ACSS3: variants seen among roughly 807,000 people sequenced by gnomAD.
ACSS3 encodes the protein acyl-CoA synthetase short chain family member 3.
Under a neutral mutation model 84.2 loss-of-function variants are expected in ACSS3, and 64 were observed. The observed-to-expected ratio is 0.76, with a 90% CI of 0.62 to 0.94. ACSS3 has a LOEUF of 0.94. Among genes scored for constraint, ACSS3 ranks in the 40% least tolerant of loss-of-function variants. The pLI is 0.00. For missense variants in ACSS3, 815 were observed against 867.6 expected (o/e 0.94, Z 0.76); for synonymous variants, 317 against 310.1 (o/e 1.02, Z -0.23).
Position 81,151,987 on chromosome 12 carries a change from ATCT to A in ACSS3, c.1003-12_1003-10del. 1 of 1,612,344 alleles carries A rather than the reference ATCT, an allele frequency of 6.2e-7. No individual in the cohort carries two copies. The highest frequency in any genetic ancestry group is 8.5e-7 in the Non-Finnish European group (1 of 1,178,682). ...CTGAATAAAATATATTCATTTTATT[ATCT>A]TATTTTTTAGGTGTGGTGGGCAGCT... On this transcript the variant is annotated splice_polypyrimidine_tract_variant and intron_variant, in intron 6 of 15. Transcript: ENST00000548058.
At chr12:81,091,011 T>C (rs1425141929) in intron 1 of ACSS3, among the ~76,000 whole-genome samples, 1 of 152,090 alleles carries the variant, frequency 6.6e-6, no homozygotes, top group Non-Finnish European at 1.5e-5. Context: ...ATGTAAATAA[T>C]TGGTATACTG....
chr12:81,127,502 G>A (rs1428705811), intron 2 of ACSS3, among the ~76,000 whole-genome samples: 3 of 152,144 alleles, frequency 2.0e-5, no homozygotes, highest in Non-Finnish European at 2.9e-5. Flanking sequence ...ATGTTTAAAA[G>A]TAAGGTGCAA....
chr12:81,241,128 T>G (rs2033788015), intron 13 of ACSS3, among the ~76,000 whole-genome samples: 1 of 151,916 alleles, frequency 6.6e-6, no homozygotes, highest in Admixed American at 6.6e-5. Flanking sequence ...GAATGATGAT[T>G]TCCAATTTCA....
chr12:81,230,086 T>C (rs1030760732), intron 11 of ACSS3, among the ~76,000 whole-genome samples: 12 of 152,028 alleles, frequency 7.9e-5, no homozygotes, highest in Admixed American at 2.0e-4. Flanking sequence ...CATCTGTGCT[T>C]CATTTTCAAT....
chr12:81,178,676 C>A (rs1183607434), intron 8 of ACSS3, among the ~76,000 whole-genome samples: 1 of 152,024 alleles, frequency 6.6e-6, no homozygotes, highest in East Asian at 1.9e-4. Flanking sequence ...GCATTCCATG[C>A]TCATGATTAG....
At chr12:81,233,593 GTTACTC>G in intron 13 of ACSS3, 122 bp downstream of exon 13, 1 of 1,267,524 alleles carries the variant, frequency 7.9e-7, no homozygotes, top group Non-Finnish European at 1.1e-6. Context: ...CAGAGGCTAG[GTTACTC>G]TTACATCTCT....
At chr12:81,193,723 A>G (rs965744016) in intron 8 of ACSS3, among the ~76,000 whole-genome samples, 3 of 152,058 alleles carry the variant, frequency 2.0e-5, no homozygotes, top group Admixed American at 6.5e-5. Context: ...TCTCTACAAT[A>G]TGATAGGCAC....
chr12:81,089,214 A>G (rs575776395), intron 1 of ACSS3, among the ~76,000 whole-genome samples: 2 of 152,126 alleles, frequency 1.3e-5, no homozygotes, highest in Non-Finnish European at 2.9e-5. Flanking sequence ...CAATAAAAAA[A>G]TAGGATTTCT....
chr12:81,188,508 TC>T, intron 8 of ACSS3, among the ~76,000 whole-genome samples: 1 of 152,212 alleles, frequency 6.6e-6, no homozygotes, highest in South Asian at 2.1e-4. Flanking sequence ...TTTTGTCCTT[TC>T]CCAACCATTA....
chr12:81,165,904 T>G (rs1457451534), intron 7 of ACSS3, among the ~76,000 whole-genome samples: 1 of 152,190 alleles, frequency 6.6e-6, no homozygotes, highest in Non-Finnish European at 1.5e-5. Context: ...TTATTATTGA[T>G]TGAGTGTTGA....
chr12:81,079,456 G>A (rs982488903), intron 1 of ACSS3, among the ~76,000 whole-genome samples: 1 of 152,160 alleles, frequency 6.6e-6, no homozygotes, highest in African/African-American at 2.4e-5. Context: ...TGCAGTGGAC[G>A]AATGGCTCTG....
intron 2 of ACSS3, chr12:81,125,877 T>C (rs1885058212): frequency 6.6e-6 from 1 of 152,198 alleles, no homozygotes; most frequent in South Asian, 2.1e-4. Context: ...GCCCCATTCT[T>C]AATATTTCTC....
At chr12:81,246,135 G>A (rs1372557920) in intron 13 of ACSS3, among the ~76,000 whole-genome samples, 1 of 152,136 alleles carries the variant, frequency 6.6e-6, no homozygotes, top group Non-Finnish European at 1.5e-5. Context: ...ATCCTTTCTG[G>A]GTTCTCTTGG....
chr12:81,191,696 T>C (rs1464345023), intron 8 of ACSS3, among the ~76,000 whole-genome samples: 1 of 152,176 alleles, frequency 6.6e-6, no homozygotes, highest in Non-Finnish European at 1.5e-5. Flanking sequence ...CTACTTTATT[T>C]TCCCTTCTTA....
intron 8 of ACSS3, among the ~76,000 whole-genome samples, chr12:81,193,618 A>G (rs2031689250): frequency 6.6e-6 from 1 of 151,976 alleles, no homozygotes; most frequent in African/African-American, 2.4e-5. Context: ...TAGATTTTAA[A>G]GTAGATAAAT....
intron 1 of ACSS3, among the ~76,000 whole-genome samples, chr12:81,089,976 A>G (rs1294646079): frequency 2.0e-5 from 3 of 152,018 alleles, no homozygotes; most frequent in Admixed American, 2.0e-4. Flanking sequence ...AATTTCAGTT[A>G]TAAGTTGTAA....
intron 8 of ACSS3, among the ~76,000 whole-genome samples, chr12:81,195,703 T>C (rs1422396023): frequency 2.0e-5 from 3 of 152,050 alleles, no homozygotes; most frequent in Non-Finnish European, 4.4e-5. Context: ...AAGATTACCC[T>C]AGCAGCATTG....
chr12:81,259,617 A>G lies in ACSS3; in HGVS notation c.*4695A>G. 6.5e-7 allele frequency: 1 copy of G among 1,530,968 alleles called. No homozygotes were observed. The highest frequency in any genetic ancestry group is 8.8e-7 in the Non-Finnish European group (1 of 1,142,394). 94.8% of individuals were successfully genotyped at this position (1,530,968 alleles called of 1,614,324 possible). On this transcript the variant is annotated 3_prime_UTR_variant, in exon 16 of 16. Coordinates refer to ENST00000548058, the MANE Select transcript of ACSS3 (RefSeq NM_024560.4). ...AAAGGTTTTCACTGCTCGTCTTCTT[A>G]GATGGTAGTGCACTTTAGGTAGAGT... is the stretch of plus-strand genomic sequence containing the variant.
At chr12:81,212,377 G>C (rs1047167720) in intron 9 of ACSS3, among the ~76,000 whole-genome samples, 1 of 152,150 alleles carries the variant, frequency 6.6e-6, no homozygotes, top group Middle Eastern at 3.2e-3. Flanking sequence ...GCAAGTATGG[G>C]GGACTGGGCT....
Sources: allele counts gnomAD v4.1 joint callset (sites outside exome capture counted in the v4.1 genomes callset), GRCh38; gene constraint gnomAD v4.1.1; transcripts MANE v1.5; gene names NCBI Gene and HGNC (gene_info 2026-07-23, HGNC 2026-07-21).